RIMS3: variants seen among roughly 807,000 people sequenced by gnomAD.
RIMS3 encodes regulating synaptic membrane exocytosis 3, also known as regulating synaptic membrane exocytosis protein 3.
Under a neutral mutation model 29.2 loss-of-function variants are expected in RIMS3, and 15 were observed. That is an observed-to-expected ratio of 0.51 (90% CI 0.34 to 0.79). The LOEUF is 0.79. Ranked by LOEUF, RIMS3 falls within the 30% of genes least tolerant of loss-of-function variation. The probability of loss-of-function intolerance (pLI) is 0.01; values close to 1 mark genes in which losing one functional copy is unlikely to be tolerated. For missense variants in RIMS3, 342 were observed against 421.4 expected, an observed-to-expected ratio of 0.81 and a Z score of 1.65; for synonymous variants, 161 against 170.1, an observed-to-expected ratio of 0.95 and a Z score of 0.41.
the RIMS3 span, among the ~76,000 whole-genome samples, chr1:40,678,029 T>G: frequency 6.6e-6 from 1 of 152,214 alleles, no homozygotes; most frequent in African/African-American, 2.4e-5. Context: ...AAAACACTGT[T>G]TTCTTGTTTT....
intron 1 of RIMS3, among the ~76,000 whole-genome samples, chr1:40,664,546 C>G (rs940609957): frequency 2.0e-5 from 3 of 152,156 alleles, no homozygotes; most frequent in Admixed American, 2.0e-4. Context: ...ACATATTCAC[C>G]CAGGTGTCCA....
At chr1:40,666,309 G>A (rs1642425004), upstream of RIMS3, among the ~76,000 whole-genome samples, 1 of 152,156 alleles carries the variant, frequency 6.6e-6, no homozygotes, top group African/African-American at 2.4e-5. Flanking sequence ...GACCATGTCT[G>A]GAGACATTTT....
the RIMS3 span, among the ~76,000 whole-genome samples, chr1:40,671,715 C>T: frequency 6.6e-6 from 1 of 151,894 alleles, no homozygotes; most frequent in African/African-American, 2.4e-5. Flanking sequence ...TCCTGTACAG[C>T]CTGTGGAACT....
At chr1:40,668,328 G>A (rs1393261258), upstream of RIMS3, among the ~76,000 whole-genome samples, 1 of 151,580 alleles carries the variant, frequency 6.6e-6, no homozygotes, top group East Asian at 1.9e-4. Flanking sequence ...AGGCTGAAGT[G>A]GGAGGATTAC....
At chr1:40,668,292 C>T (rs1349336163), upstream of RIMS3, among the ~76,000 whole-genome samples, 2 of 150,058 alleles carry the variant, frequency 1.3e-5, no homozygotes, top group African/African-American at 4.9e-5. Context: ...CATGATTGCA[C>T]ACACCTGTAG....
the RIMS3 span, among the ~76,000 whole-genome samples, chr1:40,686,691 G>A: frequency 6.6e-6 from 1 of 152,090 alleles, no homozygotes; most frequent in South Asian, 2.1e-4. Context: ...TAATTTTCTT[G>A]TTCCCTAACC....
At chr1:40,653,161 G>A (rs1193248983) in intron 1 of RIMS3, among the ~76,000 whole-genome samples, 1 of 152,158 alleles carries the variant, frequency 6.6e-6, no homozygotes, top group Non-Finnish European at 1.5e-5. Flanking sequence ...GCTGATTCAC[G>A]AGCGCTCAGG....
chr1:40,643,478 C>CT (rs34292781), intron 2 of RIMS3, among the ~76,000 whole-genome samples: 91,979 of 133,504 alleles, frequency 0.69, 32,353 homozygotes, highest in Non-Finnish European at 0.76. Flanking sequence ...ATCTTTCTCT[C>CT]TTTTTTTTTT....
chr1:40,682,739 A>ATTTTTT, the RIMS3 span, among the ~76,000 whole-genome samples: 1 of 46,486 alleles, frequency 2.2e-5, no homozygotes, highest in Admixed American at 1.7e-4. Flanking sequence ...CCCTTTGCAG[A>ATTTTTT]TCTTTTTTTT....
intron 1 of RIMS3, among the ~76,000 whole-genome samples, chr1:40,662,309 C>G (rs995077218): frequency 5.9e-5 from 9 of 152,190 alleles, no homozygotes; most frequent in Non-Finnish European, 1.3e-4. Flanking sequence ...TTCTTCGCCT[C>G]TACAATTCCT....
the RIMS3 span, chr1:40,681,676 T>C: frequency 1.3e-5 from 2 of 152,196 alleles, no homozygotes; most frequent in Admixed American, 6.5e-5. Context: ...CCAGGCCATA[T>C]ACAAAACCTT....
the RIMS3 span, among the ~76,000 whole-genome samples, chr1:40,678,407 C>T: frequency 4.6e-5 from 7 of 152,140 alleles, no homozygotes; most frequent in African/African-American, 1.7e-4. Flanking sequence ...GACTCCATCT[C>T]AAACAAACAA....
intron 1 of RIMS3, among the ~76,000 whole-genome samples, chr1:40,649,421 C>A (rs1451569629): frequency 6.6e-6 from 1 of 152,230 alleles, no homozygotes; most frequent in Non-Finnish European, 1.5e-5. Flanking sequence ...CACCCACACA[C>A]ACCCTCCCCA....
chr1:40,628,945 G>T lies in RIMS3; in HGVS notation c.579C>A (p.Thr193=). ...TCTCCAGCAGGTAAACCTTGATATAGGTGGCTAAGGGAGGAGAGAATGTAT... is the reference window on the plus strand; with the variant it reads ...TCTCCAGCAGGTAAACCTTGATATATGTGGCTAAGGGAGGAGAGAATGTAT... ...PKPGSKSLPA[T]YIKVYLLENG... The change falls in exon 7 of 8, where the codon ACC becomes ACA. Residue 193 remains threonine (T), a synonymous_variant. Transcript: ENST00000372684. 1 of 1,613,110 alleles carries T rather than the reference G, an allele frequency of 6.2e-7. No individual in the cohort carries two copies. Among genetic ancestry groups the T allele is most frequent in the Non-Finnish European group, 8.5e-7 (1 of 1,180,000 alleles).
At chr1:40,690,394 C>T in the RIMS3 span, 1 of 151,732 alleles carries the variant, frequency 6.6e-6, no homozygotes, top group African/African-American at 2.4e-5. Context: ...CAGGGCCTCG[C>T]ACTGTCGCCC....
chr1:40,667,682 G>A (rs1307775340), upstream of RIMS3, among the ~76,000 whole-genome samples: 1 of 152,196 alleles, frequency 6.6e-6, no homozygotes, highest in East Asian at 1.9e-4. Flanking sequence ...GAAAAGTAAT[G>A]AAAAGGGATT....
At chr1:40,674,717 C>T in the RIMS3 span, among the ~76,000 whole-genome samples, 4 of 152,060 alleles carry the variant, frequency 2.6e-5, no homozygotes, top group African/African-American at 9.7e-5. Context: ...TCTCTCTGTC[C>T]CTCTCATGCT....
At chr1:40,645,268 C>T (rs1263945316) in intron 2 of RIMS3, among the ~76,000 whole-genome samples, 2 of 152,194 alleles carry the variant, frequency 1.3e-5, no homozygotes, top group Non-Finnish European at 2.9e-5. Context: ...GAAGGCTTAT[C>T]TGATCCTGTG....
Position 40,641,696 on chromosome 1 carries a change from CA to C in RIMS3, c.217+12del. The C allele has an allele frequency of 6.2e-7, 1 of 1,613,868 alleles. No homozygotes were observed. The highest frequency in any genetic ancestry group is 8.5e-7 in the Non-Finnish European group (1 of 1,179,826). ...CCCCCACCTCTACCCCGTGATGTCCCATGCCCCCTCACCAGGCTGCGGAAGC... is the reference window on the plus strand; with the variant it reads ...CCCCCACCTCTACCCCGTGATGTCCCTGCCCCCTCACCAGGCTGCGGAAGC... On this transcript the variant is annotated intron_variant, in intron 3 of 7. Coordinates refer to ENST00000372684, the MANE Select transcript of RIMS3 (RefSeq NM_014747.3).
Sources: allele counts gnomAD v4.1 joint callset (sites outside exome capture counted in the v4.1 genomes callset), GRCh38; gene constraint gnomAD v4.1.1; transcripts MANE v1.5; gene names NCBI Gene and HGNC (gene_info 2026-07-23, HGNC 2026-07-21).